Variants in FRMD4A observed in about 807,000 individuals in gnomAD.
The protein encoded by FRMD4A is FERM domain containing 4A, also known as FERM domain-containing protein 4A.
FRMD4A carries 29 observed loss-of-function variants against 129.1 expected under a neutral mutation model. The observed-to-expected ratio is 0.22, with a 90% CI of 0.17 to 0.31. The LOEUF is 0.31. Among genes scored for constraint, FRMD4A ranks in the 10% least tolerant of loss-of-function variants. The pLI is 1.00. For synonymous variants in FRMD4A, 634 were observed against 571.6 expected, an observed-to-expected ratio of 1.11 and a Z score of -1.56; for missense variants, 1,272 against 1,375.8, an observed-to-expected ratio of 0.92 and a Z score of 1.19.
At chr10:13,888,771 G>T (rs1324859309) in intron 2 of FRMD4A, among the ~76,000 whole-genome samples, 1 of 152,210 alleles carries the variant, frequency 6.6e-6, no homozygotes, top group African/African-American at 2.4e-5. Context: ...ACTGGACTCA[G>T]ACATTCTAAT....
chr10:14,212,158 C>G (rs186476523), intron 2 of FRMD4A, among the ~76,000 whole-genome samples: 1 of 152,126 alleles, frequency 6.6e-6, no homozygotes, highest in African/African-American at 2.4e-5. Context: ...CAGCACCACA[C>G]CCCTCACCTT....
At chr10:13,874,003 T>TG (rs1426051602) in intron 2 of FRMD4A, among the ~76,000 whole-genome samples, 2 of 150,998 alleles carry the variant, frequency 1.3e-5, no homozygotes, top group Non-Finnish European at 3.0e-5. Flanking sequence ...TCCCAGCACT[T>TG]TGGGAGGCCG....
chr10:13,996,496 G>A (rs1274493613), intron 2 of FRMD4A, among the ~76,000 whole-genome samples: 1 of 152,182 alleles, frequency 6.6e-6, no homozygotes, highest in East Asian at 1.9e-4. Flanking sequence ...CAGACTCGTG[G>A]GAGGGCTCCT....
chr10:14,262,640 C>T (rs1047352086), intron 2 of FRMD4A, among the ~76,000 whole-genome samples: 95 of 152,278 alleles, frequency 6.2e-4, no homozygotes, highest in Admixed American at 5.0e-3. Context: ...ACACAAAAGG[C>T]TCCTGGGTGG....
chr10:13,750,858 A>G (rs2091586379), intron 8 of FRMD4A, among the ~76,000 whole-genome samples: 1 of 152,120 alleles, frequency 6.6e-6, no homozygotes, highest in South Asian at 2.1e-4. Context: ...ACAGTCGGTA[A>G]TTTTTAAGCA....
Position 13,660,336 on chromosome 10 carries a change from G to A in FRMD4A, c.1878C>T (p.Arg626=), listed in dbSNP as rs758604339. 1.8e-5 allele frequency: 29 copies of A among 1,612,180 alleles called. No individual in the cohort carries two copies. Among genetic ancestry groups the A allele is most frequent in the Non-Finnish European group, 2.4e-5 (28 of 1,178,348 alleles). The change falls in exon 20 of 25, where the codon CGC becomes CGT. Residue 626 remains arginine (R), a synonymous_variant. Transcript: ENST00000357447. The part of the protein sequence containing the change: ...LDEPYEKVKK[R]SSHSHSSSHK... The stretch of plus-strand genomic sequence containing the variant: ...CTCACCTGGAATGGCTGTGAGAGGA[G>A]CGCTTCTTGACCTTCTCATAGGGTT...
At chr10:14,167,929 C>T (rs1841276711) in intron 2 of FRMD4A, among the ~76,000 whole-genome samples, 2 of 152,308 alleles carry the variant, frequency 1.3e-5, no homozygotes, top group South Asian at 2.1e-4. Flanking sequence ...TTCTGCAACA[C>T]GTGGTGGGAG....
chr10:14,263,783 C>CA (rs1356885377), intron 2 of FRMD4A, among the ~76,000 whole-genome samples: 2 of 152,192 alleles, frequency 1.3e-5, no homozygotes, highest in African/African-American at 2.4e-5. Context: ...TCTCGGTTTT[C>CA]ACTGCGACTG....
chr10:13,955,112 C>CTTTTTTTTTTTTTTTTTTTTTTTTTTTT (rs71388139), intron 2 of FRMD4A, among the ~76,000 whole-genome samples: 1 of 102,958 alleles, frequency 9.7e-6, no homozygotes, highest in South Asian at 3.6e-4. Context: ...AATAATTCTG[C>CTTTTTTTTTTTTTTTTTTTTTTTTTTTT]TTTTTTTTTT....
At chr10:14,043,128 C>G (rs1833851688) in intron 2 of FRMD4A, among the ~76,000 whole-genome samples, 1 of 151,944 alleles carries the variant, frequency 6.6e-6, no homozygotes, top group Non-Finnish European at 1.5e-5. Flanking sequence ...TTAAAGCATC[C>G]TTTTACTTCC....
intron 2 of FRMD4A, among the ~76,000 whole-genome samples, chr10:14,232,252 T>C (rs571104887): frequency 2.0e-3 from 300 of 152,312 alleles, no homozygotes; most frequent in Non-Finnish European, 3.2e-3. Flanking sequence ...ATTTGCAGCT[T>C]TTTTTCTTGG....
chr10:14,271,974 ATAAT>A (rs1845177057), intron 2 of FRMD4A, among the ~76,000 whole-genome samples: 1 of 152,056 alleles, frequency 6.6e-6, no homozygotes, highest in Admixed American at 6.5e-5. Context: ...AATTTTTATA[ATAAT>A]TTAATTTAGT....
chr10:14,313,819 C>G (rs1463635425), intron 2 of FRMD4A, among the ~76,000 whole-genome samples: 4 of 152,248 alleles, frequency 2.6e-5, no homozygotes, highest in Non-Finnish European at 4.4e-5. Flanking sequence ...ACAGACCTAT[C>G]TATATCCACA....
At chr10:14,167,303 G>C (rs1841234367) in intron 2 of FRMD4A, among the ~76,000 whole-genome samples, 1 of 152,022 alleles carries the variant, frequency 6.6e-6, no homozygotes, top group South Asian at 2.1e-4. Flanking sequence ...AGGGTGAGGT[G>C]GGCAGATCAC....
At chr10:14,256,236 A>T (rs1199400376) in intron 2 of FRMD4A, among the ~76,000 whole-genome samples, 1 of 152,100 alleles carries the variant, frequency 6.6e-6, no homozygotes, top group Admixed American at 6.5e-5. Flanking sequence ...GAAATATGTA[A>T]TAGAAACCCA....
At chr10:13,759,768 C>G (rs1338690974) in intron 8 of FRMD4A, among the ~76,000 whole-genome samples, 4 of 152,216 alleles carry the variant, frequency 2.6e-5, no homozygotes, top group Middle Eastern at 3.4e-3. Flanking sequence ...TACTGGCCAC[C>G]TACAAAGTTC....
At chr10:14,232,374 G>A (rs911946098) in intron 2 of FRMD4A, among the ~76,000 whole-genome samples, 2 of 152,126 alleles carry the variant, frequency 1.3e-5, no homozygotes, top group African/African-American at 4.8e-5. Context: ...GATGCCTCTA[G>A]CTTTGTGCCT....
intron 2 of FRMD4A, among the ~76,000 whole-genome samples, chr10:13,997,852 A>T (rs961630140): frequency 2.0e-4 from 31 of 152,146 alleles, no homozygotes; most frequent in African/African-American, 7.5e-4. Context: ...CCTGACCTCA[A>T]GTGATCTGCT....
intron 2 of FRMD4A, among the ~76,000 whole-genome samples, chr10:14,260,149 G>A (rs969907316): frequency 6.6e-6 from 1 of 152,064 alleles, no homozygotes; most frequent in Non-Finnish European, 1.5e-5. Context: ...GACATGATGT[G>A]TGCCAGAGCC....
Sources: gnomAD v4.1 joint callset for allele counts (sites outside exome capture counted in the v4.1 genomes callset) on GRCh38, gnomAD v4.1.1 for gene constraint, MANE v1.5 for transcripts, NCBI Gene and HGNC (gene_info 2026-07-23, HGNC 2026-07-21) for gene names.